SMIM7: variants seen among roughly 807,000 people sequenced by gnomAD.
SMIM7 encodes the protein small integral membrane protein 7, also known as UPF0608 protein C19orf42.
In SMIM7, 12 loss-of-function variants were observed where a neutral mutation model predicts 13.3. That is an observed-to-expected ratio of 0.90 (90% confidence interval 0.58 to 1.46). The LOEUF (loss-of-function observed/expected upper bound fraction) is 1.46. Ranked by LOEUF, SMIM7 falls within the 40% of genes most tolerant of loss-of-function variation. SMIM7 has a pLI of 0.00. For missense variants in SMIM7, 114 were observed against 94.8 expected, an observed-to-expected ratio of 1.20 and a Z score of -0.84; for synonymous variants, 36 against 35.8, an observed-to-expected ratio of 1.01 and a Z score of -0.02.
chr19:16,650,726 A>G (rs2086513933), intron 4 of SMIM7, among the ~76,000 whole-genome samples: 1 of 150,556 alleles, frequency 6.6e-6, no homozygotes, highest in Non-Finnish European at 1.5e-5. Context: ...AAAAAAAAAA[A>G]GAAGAAATAG....
chr19:16,633,348 C>T (rs1306022857), intron 4 of SMIM7, among the ~76,000 whole-genome samples: 2 of 150,262 alleles, frequency 1.3e-5, no homozygotes, highest in Non-Finnish European at 3.0e-5. Context: ...CCCAGCTGCT[C>T]GGGAGGCTGA....
At position 16,659,815 on chromosome 19, in the gene SMIM7, C is replaced by A. The variant is rs2086649744; in HGVS notation, c.68+144G>T. On this transcript the variant is annotated intron_variant, in intron 2 of 4. Transcript: ENST00000487416. ...GGGGTGGGGGGCGAGGAAGATAAAC[C>A]AGGCTGGAGGCGTGCCCAGAGGGCG... 3 of 1,089,052 alleles carry A rather than the reference C, an allele frequency of 2.8e-6. No individual in the cohort carries two copies. In the Admixed American group the frequency reaches 6.3e-5, roughly 23 times the overall value. 67.5% of individuals were successfully genotyped at this position (1,089,052 alleles called of 1,614,324 possible). A position where few individuals can be genotyped will look rare whatever the true frequency, so the allele number is the denominator to read the frequency against.
At chr19:16,654,933 C>T (rs573101887) in intron 3 of SMIM7, among the ~76,000 whole-genome samples, 1 of 152,198 alleles carries the variant, frequency 6.6e-6, no homozygotes, top group African/African-American at 2.4e-5. Context: ...AACATGCCAA[C>T]CCCTGCTCTG....
chr19:16,658,121 G>C (rs576122990), intron 3 of SMIM7, among the ~76,000 whole-genome samples: 1 of 152,090 alleles, frequency 6.6e-6, no homozygotes, highest in South Asian at 2.1e-4. Context: ...CTGTGACGCC[G>C]CCTCCTCAAA....
chr19:16,652,926 C>T (rs1264216482), intron 4 of SMIM7: 6 of 1,550,546 alleles, frequency 3.9e-6, no homozygotes, highest in Non-Finnish European at 5.2e-6. Context: ...GGCCCCAGTG[C>T]TAGATGGAAA....
downstream of SMIM7, among the ~76,000 whole-genome samples, chr19:16,642,813 G>A (rs1159589668): frequency 2.6e-5 from 4 of 151,174 alleles, no homozygotes; most frequent in East Asian, 5.9e-4. Context: ...GCAACAGAGT[G>A]AGACCTTATC....
chr19:16,655,736 G>A (rs540337339), intron 3 of SMIM7, among the ~76,000 whole-genome samples: 1 of 150,574 alleles, frequency 6.6e-6, no homozygotes, highest in South Asian at 2.1e-4. Context: ...ATCTACAAGG[G>A]TGCTACCCGA....
intron 4 of SMIM7, among the ~76,000 whole-genome samples, chr19:16,632,249 G>A (rs1437470767): frequency 6.6e-6 from 1 of 152,050 alleles, no homozygotes; most frequent in South Asian, 2.1e-4. Context: ...CTAGAGATGA[G>A]TTTCATAGTT....
At chr19:16,655,695 A>G (rs1254120262) in intron 3 of SMIM7, among the ~76,000 whole-genome samples, 1 of 151,228 alleles carries the variant, frequency 6.6e-6, no homozygotes, top group Non-Finnish European at 1.5e-5. Context: ...AAAAAAAAAA[A>G]AAAAAAAAAA....
chr19:16,647,213 G>C lies in SMIM7; in HGVS notation c.*33C>G, dbSNP rs546542015. 2 of 1,613,702 alleles carry C rather than the reference G, an allele frequency of 1.2e-6. No individual in the cohort carries two copies. Among genetic ancestry groups the C allele is most frequent in the Non-Finnish European group, 1.7e-6 (2 of 1,179,936 alleles). On this transcript the variant is annotated 3_prime_UTR_variant, in exon 5 of 5. Coordinates refer to ENST00000487416, the MANE Select transcript of SMIM7 (RefSeq NM_024104.4). ...TGGAGGAATGGAGACTCGGCATCCC[G>C]GGAAAGTGAGTTCCTGGTTTCATCG...
chr19:16,651,654 A>C (rs747429167), intron 4 of SMIM7, among the ~76,000 whole-genome samples: 10 of 152,216 alleles, frequency 6.6e-5, no homozygotes, highest in Admixed American at 2.6e-4. Flanking sequence ...AGAATGAGAG[A>C]AGCACACTGA....
downstream of SMIM7, chr19:16,645,584 G>T (rs2086440791): frequency 6.6e-6 from 1 of 151,906 alleles, no homozygotes. Flanking sequence ...CCCTGGTCTA[G>T]CAAGAGCCCA....
chr19:16,632,879 G>C (rs1954763063), intron 4 of SMIM7, among the ~76,000 whole-genome samples: 1 of 152,164 alleles, frequency 6.6e-6, no homozygotes, highest in South Asian at 2.1e-4. Flanking sequence ...CTGTGGATAT[G>C]AGCGTACTGA....
rs1568295912 is a variant in SMIM7 at position 16,632,534 on chromosome 19, C to CTT, written c.*138-811_*138-810insAA. Reference sequence around the variant, plus strand: ...AATGAAAAAAGTCATTAACTGTGAACATTTTTTTTTTTTTTTTTTTTGAGG... The same window carrying CTT: ...AATGAAAAAAGTCATTAACTGTGAACTTATTTTTTTTTTTTTTTTTTTTGAGG... On this transcript the variant is annotated intron_variant and NMD_transcript_variant, in intron 4 of 4. Coordinates refer to the SMIM7 transcript ENST00000465250. Among the ~76,000 whole-genome samples the CTT allele has an allele frequency of 5.1e-5, 7 of 138,480 alleles. No individual in the cohort carries two copies. In the East Asian group the frequency reaches 1.4e-3, roughly 28 times the overall value. The allele number at this position is 138,480 out of a possible 152,430, so 90.8% of individuals were successfully genotyped here. A position where few individuals can be genotyped will look rare whatever the true frequency, so the allele number is the denominator to read the frequency against.
rs781749876 is a variant in SMIM7, at chr19:16,660,115, A to G, written c.-5T>C. On this transcript the variant is annotated 5_prime_UTR_variant, in exon 1 of 5. Transcript: ENST00000487416. The stretch of plus-strand genomic sequence containing the variant: ...CAGCAGGATGTCTCCGATCATCGTT[A>G]CGGCCGAAGCGTCCGTCAGAACCGG... 12 of 1,614,030 alleles carry G rather than the reference A, an allele frequency of 7.4e-6. No individual in the cohort carries two copies. In the East Asian group the frequency reaches 2.7e-4, roughly 36 times the overall value.
chr19:16,654,113 C>T lies in SMIM7; in HGVS notation c.134G>A (p.Arg45Gln), dbSNP rs759065745. The T allele has an allele frequency of 2.9e-5, 46 of 1,613,744 alleles. No homozygotes were observed. Among genetic ancestry groups the T allele is most frequent in the Admixed American group, 2.2e-4 (13 of 59,978 alleles). Residue 45 changes from arginine (R) to glutamine (Q), a missense_variant, in exon 4 of 5, where the codon CGG becomes CAG. Coordinates refer to ENST00000487416, the MANE Select transcript of SMIM7 (RefSeq NM_024104.4). The stretch of plus-strand genomic sequence containing the variant: ...GTATCTGAGGCTCAGCAAGAATTCC[C>T]GGATGTTGTCACCTGGAAGAATCAG... ...SREPSTGDNI[R>Q]EFLLSLRYFR... is the part of the protein sequence containing the mutation.
At chr19:16,632,448 A>T (rs1003849169) in intron 4 of SMIM7, among the ~76,000 whole-genome samples, 1 of 152,022 alleles carries the variant, frequency 6.6e-6, no homozygotes, top group Non-Finnish European at 1.5e-5. Context: ...GGGGGGTGGG[A>T]ATTCATGAAT....
chr19:16,655,138 A>G (rs891640311), intron 3 of SMIM7: 1 of 341,094 alleles, frequency 2.9e-6, no homozygotes, highest in Admixed American at 3.7e-5. Context: ...GGATGTTTCA[A>G]TTTGCTTTAA....
At chr19:16,643,472 C>G (rs2086419808), downstream of SMIM7, among the ~76,000 whole-genome samples, 1 of 152,212 alleles carries the variant, frequency 6.6e-6, no homozygotes. Context: ...ACTCGGCTCA[C>G]TGTAACCTCC....
Sources: allele counts gnomAD v4.1 joint callset (sites outside exome capture counted in the v4.1 genomes callset), GRCh38; gene constraint gnomAD v4.1.1; transcripts MANE v1.5; gene names NCBI Gene and HGNC (gene_info 2026-07-23, HGNC 2026-07-21).